The following TNRC6C variants were observed in gnomAD, a reference collection of about 807,000 sequenced individuals.
TNRC6C encodes trinucleotide repeat containing adaptor 6C.
Under a neutral mutation model 153.7 loss-of-function variants are expected in TNRC6C, and 20 were observed. The observed-to-expected ratio is 0.13, with a 90% confidence interval of 0.09 to 0.19. The LOEUF (loss-of-function observed/expected upper bound fraction) is 0.19. TNRC6C is among the 10% of genes least tolerant of loss of function. TNRC6C has a pLI of 1.00. For synonymous variants in TNRC6C, 811 were observed against 841.4 expected (o/e 0.96, Z 0.63); for missense variants, 1,987 against 2,172.0 (o/e 0.91, Z 1.69).
chr17:77,995,608 C>T (rs551157538), intron 1 of TNRC6C, among the ~76,000 whole-genome samples: 1 of 152,176 alleles, frequency 6.6e-6, no homozygotes, highest in East Asian at 1.9e-4. Context: ...AATGAAATCC[C>T]AAGCATTATT....
chr17:77,960,907 T>C lies in TNRC6C; in HGVS notation c.-38+1639T>C, dbSNP rs560051835. 1.7e-3 allele frequency among the ~76,000 whole-genome samples: 264 copies of C among 152,342 alleles called. 1 individual carries two copies. Among genetic ancestry groups the C allele is most frequent in the African/African-American group, 5.5e-3 (228 of 41,558 alleles). On this transcript the variant is annotated intron_variant, in intron 1 of 22. Transcript: ENST00000636222. ...CTTTACCTATACTGAAAGTTTTTTT[T>C]CTACAGAAAGTTTTTAATATTTATT...
chr17:77,972,512 A>T (rs1021504339), intron 1 of TNRC6C, among the ~76,000 whole-genome samples: 1 of 141,216 alleles, frequency 7.1e-6, no homozygotes, highest in African/African-American at 2.6e-5. Flanking sequence ...ACTCTGTCTT[A>T]AAAAAAAAAA....
rs544783479 is a variant in TNRC6C at position 77,959,898 on chromosome 17, G to A, written c.-38+630G>A. On this transcript the variant is annotated intron_variant, in intron 1 of 22. Coordinates refer to the TNRC6C transcript ENST00000636222. ...GCCTCCTTTGCACCTTTACCTTGAG[G>A]ACGAGATTTAATTAATTGATTCGTA... 5.3e-5 allele frequency among the ~76,000 whole-genome samples: 8 copies of A among 152,298 alleles called. No homozygotes were observed. In the East Asian group the frequency reaches 1.5e-3, roughly 29 times the overall value.
At chr17:78,081,144 G>A (rs550380913) in intron 10 of TNRC6C, among the ~76,000 whole-genome samples, 25 of 152,178 alleles carry the variant, frequency 1.6e-4, no homozygotes, top group Admixed American at 8.5e-4. Context: ...TGGTGGAAGG[G>A]GCAAACAGGC....
intron 13 of TNRC6C, among the ~76,000 whole-genome samples, chr17:78,088,746 A>G (rs570976983): frequency 6.6e-6 from 1 of 151,724 alleles, no homozygotes; most frequent in South Asian, 2.1e-4. Flanking sequence ...GATTACAGGC[A>G]TGAGCCATCA....
intron 13 of TNRC6C, among the ~76,000 whole-genome samples, chr17:78,091,035 A>G (rs2073384499): frequency 6.6e-6 from 1 of 152,200 alleles, no homozygotes; most frequent in Non-Finnish European, 1.5e-5. Flanking sequence ...GACCATGTTT[A>G]TTCAGCACTG....
chr17:78,037,280 G>A (rs553954038), intron 2 of TNRC6C, among the ~76,000 whole-genome samples: 1 of 152,208 alleles, frequency 6.6e-6, no homozygotes, highest in East Asian at 1.9e-4. Context: ...CAGAACGGTG[G>A]TTTTGTCATG....
At chr17:78,058,139 G>A (rs1018490004) in intron 3 of TNRC6C, among the ~76,000 whole-genome samples, 5 of 152,180 alleles carry the variant, frequency 3.3e-5, no homozygotes, top group Non-Finnish European at 7.3e-5. Flanking sequence ...AGTCTCTGGT[G>A]CGAGCCAGAA....
At chr17:78,094,335 G>GTA (rs1567964931) in intron 16 of TNRC6C, among the ~76,000 whole-genome samples, 5 of 151,786 alleles carry the variant, frequency 3.3e-5, no homozygotes, top group African/African-American at 1.2e-4. Flanking sequence ...ATTGCCATAG[G>GTA]TACTATCACT....
At chr17:78,029,590 T>C (rs2072018950) in intron 1 of TNRC6C, among the ~76,000 whole-genome samples, 1 of 152,190 alleles carries the variant, frequency 6.6e-6, no homozygotes, top group Non-Finnish European at 1.5e-5. Flanking sequence ...GACATGACTA[T>C]ACACTTAGGC....
At chr17:78,052,443 C>T (rs2072556602) in intron 3 of TNRC6C, among the ~76,000 whole-genome samples, 1 of 152,120 alleles carries the variant, frequency 6.6e-6, no homozygotes, top group African/African-American at 2.4e-5. Flanking sequence ...CAGTCAAAAC[C>T]CTGCCATGGA....
chr17:77,983,388 G>C (rs2071109554), intron 1 of TNRC6C, among the ~76,000 whole-genome samples: 1 of 152,166 alleles, frequency 6.6e-6, no homozygotes, highest in African/African-American at 2.4e-5. Flanking sequence ...GCTTAATTCT[G>C]ATTACCAAGG....
At chr17:78,007,835 A>G (rs554350170) in intron 1 of TNRC6C, among the ~76,000 whole-genome samples, 7 of 152,234 alleles carry the variant, frequency 4.6e-5, no homozygotes, top group Non-Finnish European at 1.0e-4. Context: ...GACCAAATCA[A>G]TTAGAAATTC....
At chr17:77,979,632 G>A (rs1278829687) in intron 1 of TNRC6C, among the ~76,000 whole-genome samples, 5 of 152,036 alleles carry the variant, frequency 3.3e-5, no homozygotes, top group African/African-American at 9.7e-5. Context: ...TTGGAATCTC[G>A]GAGAGGAGAA....
At chr17:77,983,251 G>A (rs994376794) in intron 1 of TNRC6C, among the ~76,000 whole-genome samples, 7 of 152,142 alleles carry the variant, frequency 4.6e-5, no homozygotes, top group African/African-American at 1.2e-4. Context: ...TTTTCCAATA[G>A]GGAATGTTAC....
chr17:78,107,081 T>A (rs548071838), exon 20 of TNRC6C: 29 of 152,254 alleles, frequency 1.9e-4, no homozygotes, highest in African/African-American at 7.0e-4. Flanking sequence ...GACATACACC[T>A]GCGTATGTAT....
chr17:78,041,009 C>G (rs2072281808), intron 2 of TNRC6C: 1 of 152,102 alleles, frequency 6.6e-6, no homozygotes, highest in Non-Finnish European at 1.5e-5. Context: ...CTCGCTGTAC[C>G]CAGCCGACAT....
chr17:78,057,902 A>G (rs2072691718), intron 3 of TNRC6C, among the ~76,000 whole-genome samples: 1 of 152,136 alleles, frequency 6.6e-6, no homozygotes, highest in Non-Finnish European at 1.5e-5. Context: ...GTTGATATTA[A>G]TTAGTTTTCT....
At chr17:78,006,540 CTTCTTCTTCTTCTT>C (rs1407843892) in intron 1 of TNRC6C, among the ~76,000 whole-genome samples, 120 of 135,566 alleles carry the variant, frequency 8.9e-4, no homozygotes, top group African/African-American at 3.0e-3. Context: ...TCTTCTTCTT[CTTCTTCTTCTTCTT>C]CTTCTTCCTT....
Sources: gnomAD v4.1 joint callset for allele counts (sites outside exome capture counted in the v4.1 genomes callset) on GRCh38, gnomAD v4.1.1 for gene constraint, MANE v1.5 for transcripts, NCBI Gene and HGNC (gene_info 2026-07-23, HGNC 2026-07-21) for gene names.